The following ANKS3 variants were observed in gnomAD, a reference collection of about 807,000 sequenced individuals.
ANKS3 encodes the protein ankyrin repeat and sterile alpha motif domain containing 3.
In ANKS3, 62 loss-of-function variants were observed where a neutral mutation model predicts 80.7. The ratio of observed to expected loss-of-function variants is 0.77; its 90% CI spans 0.63 to 0.95. The LOEUF is 0.95. ANKS3 is among the 40% of genes least tolerant of loss of function. The pLI is 0.00. For synonymous variants in ANKS3, 489 were observed against 355.3 expected (o/e 1.38, Z -4.23); for missense variants, 1,150 against 883.6 (o/e 1.30, Z -3.82).
At chr16:4,706,361 G>A (rs2080189881) in intron 7 of ANKS3, among the ~76,000 whole-genome samples, 1 of 151,994 alleles carries the variant, frequency 6.6e-6, no homozygotes, top group African/African-American at 2.4e-5. Flanking sequence ...CTCCCAAGTA[G>A]CTGGGACTAC....
intron 7 of ANKS3, among the ~76,000 whole-genome samples, chr16:4,709,024 G>C (rs893372818): frequency 3.9e-5 from 6 of 152,018 alleles, no homozygotes; most frequent in African/African-American, 1.5e-4. Context: ...TCAGCACTGT[G>C]GGAGACTGAG....
At chr16:4,731,930 G>GA (rs1294508851) in intron 1 of ANKS3, among the ~76,000 whole-genome samples, 2 of 152,206 alleles carry the variant, frequency 1.3e-5, no homozygotes, top group African/African-American at 2.4e-5. Flanking sequence ...ACAAGGGTAG[G>GA]AAAGGGAGCA....
intron 6 of ANKS3, among the ~76,000 whole-genome samples, chr16:4,721,659 G>T (rs1419021773): frequency 3.5e-5 from 4 of 113,482 alleles, no homozygotes; most frequent in African/African-American, 1.3e-4. Flanking sequence ...TATTTATTTA[G>T]AGATAGTCTC....
rs1289781804 is a variant in ANKS3 at position 4,715,457 on chromosome 16, G to A, written c.574-1271C>T. Among the ~76,000 whole-genome samples the A allele has an allele frequency of 2.0e-5, 3 of 152,164 alleles. No homozygotes were observed. In the East Asian group the frequency reaches 5.8e-4, roughly 29 times the overall value. On this transcript the variant is annotated intron_variant, in intron 6 of 17. Transcript: ENST00000304283. Reference sequence around the variant, plus strand: ...ATCTTTAATAAAAAATTAGCAGGGTGTGGCGGCACATGCCTGTAGTCCCAG... The same window carrying A: ...ATCTTTAATAAAAAATTAGCAGGGTATGGCGGCACATGCCTGTAGTCCCAG...
intron 6 of ANKS3, among the ~76,000 whole-genome samples, chr16:4,718,289 T>C (rs2080909053): frequency 1.3e-5 from 2 of 152,110 alleles, no homozygotes; most frequent in Admixed American, 6.6e-5. Flanking sequence ...TCCATATTAC[T>C]AAAGAGACAC....
chr16:4,733,538 C>G lies in ANKS3; in HGVS notation c.-71+400G>C, dbSNP rs941951062. On this transcript the variant is annotated intron_variant, in intron 1 of 17. Transcript: ENST00000304283. ...AATCCTTGACTTCAGGTGATCCGCCCGCCTTTGCCTCCCAAAGTGCTAGGA... is the reference window on the plus strand; with the variant it reads ...AATCCTTGACTTCAGGTGATCCGCCGGCCTTTGCCTCCCAAAGTGCTAGGA... Among the ~76,000 whole-genome samples, 4 of 152,060 alleles carry G rather than the reference C, an allele frequency of 2.6e-5. No homozygotes were observed. The East Asian group carries it at 7.7e-4, about 29-fold the overall frequency.
intron 2 of ANKS3, chr16:4,730,391 CA>C: frequency 2.7e-6 from 1 of 371,540 alleles, no homozygotes; most frequent in Non-Finnish European, 4.8e-6. Context: ...TATGGTGAGG[CA>C]TTAACTGTGG....
intron 6 of ANKS3, among the ~76,000 whole-genome samples, chr16:4,723,679 A>T (rs945280260): frequency 6.6e-6 from 1 of 152,202 alleles, no homozygotes; most frequent in South Asian, 2.1e-4. Flanking sequence ...ATACAGATAT[A>T]TATTTTGTTT....
intron 14 of ANKS3, 167 bp from the exon 15 acceptor site, chr16:4,698,229 CG>C (rs756286417): frequency 6.3e-6 from 7 of 1,105,376 alleles, no homozygotes; most frequent in Non-Finnish European, 8.8e-6. Flanking sequence ...GGAGGGCGAC[CG>C]GTGCAGATTC....
intron 11 of ANKS3, chr16:4,699,454 A>G (rs922982787): frequency 1.1e-5 from 5 of 470,136 alleles, no homozygotes; most frequent in South Asian, 7.1e-5. Flanking sequence ...CTGTGAAGGG[A>G]CCATGGAGCT....
chr16:4,709,085 C>A (rs932091713), intron 7 of ANKS3, among the ~76,000 whole-genome samples: 6 of 151,882 alleles, frequency 4.0e-5, no homozygotes, highest in African/African-American at 1.2e-4. Context: ...GGGCAACATA[C>A]TGAGACACTG....
At chr16:4,714,609 A>G (rs1050800934) in intron 6 of ANKS3, among the ~76,000 whole-genome samples, 2 of 152,234 alleles carry the variant, frequency 1.3e-5, no homozygotes, top group African/African-American at 4.8e-5. Context: ...AAAGCTCTAT[A>G]ATGTATTTAC....
intron 6 of ANKS3, among the ~76,000 whole-genome samples, chr16:4,718,714 C>T (rs1448995789): frequency 1.3e-5 from 2 of 152,198 alleles, no homozygotes; most frequent in African/African-American, 2.4e-5. Context: ...GCAAACCACC[C>T]AGGCCATCGG....
At chr16:4,720,754 A>G (rs952641165) in intron 6 of ANKS3, among the ~76,000 whole-genome samples, 1 of 150,486 alleles carries the variant, frequency 6.6e-6, no homozygotes, top group African/African-American at 2.4e-5. Flanking sequence ...ATCCTGACCA[A>G]CATGCCGAAA....
At chr16:4,700,162 A>C (rs2079820679) in intron 11 of ANKS3, 1 of 152,998 alleles carries the variant, frequency 6.5e-6, no homozygotes, top group South Asian at 2.1e-4. Context: ...TCACGCCTGT[A>C]ATCCCAGCAC....
rs190309053 is a variant in ANKS3, at chr16:4,729,636, C to T, written c.170+344G>A. ...TCAGCCTCCCAAAGTGCTGGAATTACAAGTGTGAGCCACCGCACCAGGCCA... is the reference window on the plus strand; with the variant it reads ...TCAGCCTCCCAAAGTGCTGGAATTATAAGTGTGAGCCACCGCACCAGGCCA... On this transcript the variant is annotated intron_variant, in intron 3 of 17. Coordinates refer to ENST00000304283, the MANE Select transcript of ANKS3 (RefSeq NM_133450.4). The T allele has an allele frequency of 4.5e-3, 711 of 159,608 alleles. 7 individuals carry two copies. Among genetic ancestry groups the T allele is most frequent in the African/African-American group, 0.016 (677 of 41,918 alleles). The allele number at this position is 159,608 out of a possible 1,614,324, so 9.9% of individuals were successfully genotyped here.
intron 6 of ANKS3, among the ~76,000 whole-genome samples, chr16:4,718,954 G>A (rs973702666): frequency 6.6e-6 from 1 of 152,186 alleles, no homozygotes; most frequent in Non-Finnish European, 1.5e-5. Flanking sequence ...ACATTTAAAT[G>A]ATTCAGAAAA....
In ANKS3 at chr16:4,701,321, CA is replaced by C. The variant is rs796584761; in HGVS notation, c.1119+112del. 2.4e-5 allele frequency: 32 copies of C among 1,330,296 alleles called. No homozygotes were observed. The African/African-American group carries it at 4.3e-4, about 18-fold the overall frequency. 82.4% of individuals were successfully genotyped at this position (1,330,296 alleles called of 1,614,324 possible). A position where few individuals can be genotyped will look rare whatever the true frequency, so the allele number is the denominator to read the frequency against. ...GGACACAGCACGTCCCAGTGCAGCA[CA>C]CACGTGCAGCAGCTGCTTCTTACAT... is the stretch of plus-strand genomic sequence containing the variant. On this transcript the variant is annotated intron_variant, in intron 10 of 17. Coordinates refer to ENST00000304283, the MANE Select transcript of ANKS3 (RefSeq NM_133450.4).
intron 8 of ANKS3, among the ~76,000 whole-genome samples, chr16:4,703,941 G>A (rs1025608652): frequency 6.6e-6 from 1 of 152,222 alleles, no homozygotes; most frequent in African/African-American, 2.4e-5. Context: ...TCAGCCCCAG[G>A]ATGACAGCTT....
Sources: gnomAD v4.1 joint callset for allele counts (sites outside exome capture counted in the v4.1 genomes callset) on GRCh38, gnomAD v4.1.1 for gene constraint, MANE v1.5 for transcripts, NCBI Gene and HGNC (gene_info 2026-07-23, HGNC 2026-07-21) for gene names.